The following HNF4A variants were observed in gnomAD, a reference collection of about 807,000 sequenced individuals.
HNF4A encodes hepatocyte nuclear factor 4 alpha.
HNF4A carries 15 observed loss-of-function variants against 52.4 expected under a neutral mutation model. That is an observed-to-expected ratio of 0.29 (90% CI 0.19 to 0.44). HNF4A has a LOEUF of 0.44. Ranked by LOEUF, HNF4A falls within the 20% of genes least tolerant of loss-of-function variation. The pLI is 1.00. For missense variants in HNF4A, 479 were observed against 647.2 expected, an observed-to-expected ratio of 0.74 and a Z score of 2.82; for synonymous variants, 280 against 264.4, an observed-to-expected ratio of 1.06 and a Z score of -0.57.
chr20:44,424,583 G>A (rs550374513), intron 8 of HNF4A: 60 of 1,382,420 alleles, frequency 4.3e-5, no homozygotes, highest in South Asian at 4.0e-4. Flanking sequence ...CCGTATGTGC[G>A]TGCATGTGTA....
At chr20:44,398,752 T>C (rs547904777), upstream of HNF4A, among the ~76,000 whole-genome samples, 1 of 152,358 alleles carries the variant, frequency 6.6e-6, no homozygotes, top group South Asian at 2.1e-4. Context: ...CTAGTAGCTC[T>C]TGGATATAAC....
intron 1 of HNF4A, among the ~76,000 whole-genome samples, chr20:44,404,776 T>TGTGTTTGTTGATGTGTGTGTGTGCGCAC (rs2063462984): frequency 0.038 from 2 of 52 alleles, 1 homozygote; most frequent in Non-Finnish European, 0.067. Flanking sequence ...TGTATATATG[T>TGTGTTTGTTGATGTGTGTGTGTGCGCAC]GTGTGTGTGC....
chr20:44,378,918 CA>C (rs61103959), intron 1 of HNF4A, among the ~76,000 whole-genome samples: 32,732 of 128,948 alleles, frequency 0.25, 4,436 homozygotes, highest in Admixed American at 0.44. Context: ...GACCCCGTCT[CA>C]AAAAAAAAAA....
intron 1 of HNF4A, among the ~76,000 whole-genome samples, chr20:44,362,581 G>A (rs1177681592): frequency 1.3e-5 from 2 of 151,426 alleles, no homozygotes; most frequent in Non-Finnish European, 3.0e-5. Context: ...CAAGATGTTG[G>A]CTATTTGATA....
In HNF4A at chr20:44,410,268, A is replaced by G. The variant is rs145052828; in HGVS notation, c.385+2793A>G. On this transcript the variant is annotated intron_variant, in intron 3 of 9. Coordinates refer to ENST00000316099, the MANE Select transcript of HNF4A (RefSeq NM_000457.6). Reference sequence around the variant, plus strand: ...CTTGCTTCCTGGCCCAGGGAAACGGACATGCTGCCCGGAGGATAGGAGAGT... The same window carrying G: ...CTTGCTTCCTGGCCCAGGGAAACGGGCATGCTGCCCGGAGGATAGGAGAGT... 1.4e-4 allele frequency among the ~76,000 whole-genome samples: 22 copies of G among 152,346 alleles called. No homozygotes were observed. In the East Asian group the frequency reaches 4.2e-3, roughly 29 times the overall value.
intron 1 of HNF4A, among the ~76,000 whole-genome samples, chr20:44,381,281 T>G (rs1465047664): frequency 5.7e-5 from 1 of 17,548 alleles, no homozygotes; most frequent in African/African-American, 3.4e-4. Flanking sequence ...AGTGAGAGCT[T>G]TTTTTTTTTT....
chr20:44,365,366 G>T (rs540875054), intron 1 of HNF4A, among the ~76,000 whole-genome samples: 1 of 152,016 alleles, frequency 6.6e-6, no homozygotes, highest in African/African-American at 2.4e-5. Flanking sequence ...GTAGTGACAG[G>T]TCTTGCTGTG....
chr20:44,398,938 G>C (rs1372049629), upstream of HNF4A, among the ~76,000 whole-genome samples: 2 of 152,260 alleles, frequency 1.3e-5, no homozygotes, highest in Non-Finnish European at 2.9e-5. Flanking sequence ...CAGAGTGGAA[G>C]AGGCCATGTA....
At chr20:44,391,463 A>G (rs3092370) in intron 1 of HNF4A, 75,406 of 152,338 alleles carry the variant, frequency 0.49, 19,050 homozygotes, top group Non-Finnish European at 0.53. Context: ...CCAGGCCTGC[A>G]TGGCAGAGAT....
chr20:44,421,764 CAT>C (rs760555250), intron 7 of HNF4A, among the ~76,000 whole-genome samples: 30 of 144,762 alleles, frequency 2.1e-4, no homozygotes, highest in Admixed American at 4.9e-4. Flanking sequence ...CAAAAAAATA[CAT>C]ATATGTGTAT....
rs937147831 is a variant in HNF4A, at chr20:44,431,222, T to C, written c.*1557T>C. The C allele has an allele frequency of 1.3e-5, 2 of 152,272 alleles. No individual in the cohort carries two copies. Among genetic ancestry groups the C allele is most frequent in the Non-Finnish European group, 2.9e-5 (2 of 68,058 alleles). The allele number at this position is 152,272 out of a possible 1,614,324, so 9.4% of individuals were successfully genotyped here. On this transcript the variant is annotated 3_prime_UTR_variant, in exon 10 of 10. Transcript: ENST00000316099. Reference sequence around the variant, plus strand: ...GCTTCTCCAAAGGCTCCCTGTGTTCTCACCGTGATCAAGTTGAGGGGCTTC... The same window carrying C: ...GCTTCTCCAAAGGCTCCCTGTGTTCCCACCGTGATCAAGTTGAGGGGCTTC...
intron 1 of HNF4A, among the ~76,000 whole-genome samples, chr20:44,388,477 G>A (rs1249451139): frequency 6.7e-6 from 1 of 150,108 alleles, no homozygotes; most frequent in Non-Finnish European, 1.5e-5. Context: ...AAAATCTTAC[G>A]TTCTGATTGC....
intron 1 of HNF4A, among the ~76,000 whole-genome samples, chr20:44,404,789 G>GA (rs1463905948): frequency 3.4e-5 from 2 of 59,058 alleles, no homozygotes; most frequent in African/African-American, 6.4e-5. Flanking sequence ...GTGTGTGCGT[G>GA]TGTCTGTGTG....
intron 1 of HNF4A, among the ~76,000 whole-genome samples, chr20:44,396,074 TTC>T (rs2063350334): frequency 6.6e-6 from 1 of 152,110 alleles, no homozygotes; most frequent in South Asian, 2.1e-4. Context: ...CCGAAGTCCT[TTC>T]AGGGATTCCA....
chr20:44,393,958 C>T (rs1461817185), intron 1 of HNF4A, among the ~76,000 whole-genome samples: 3 of 152,174 alleles, frequency 2.0e-5, no homozygotes, highest in East Asian at 3.9e-4. Context: ...CTCAAGTAAT[C>T]CTCCCATCTC....
intron 1 of HNF4A, among the ~76,000 whole-genome samples, chr20:44,363,964 A>C (rs904443636): frequency 6.6e-6 from 1 of 152,100 alleles, no homozygotes; most frequent in Non-Finnish European, 1.5e-5. Flanking sequence ...TGCTGGGATT[A>C]CAGGTGTAAG....
At chr20:44,374,906 A>G (rs1195003080) in intron 1 of HNF4A, among the ~76,000 whole-genome samples, 3 of 152,202 alleles carry the variant, frequency 2.0e-5, no homozygotes, top group Non-Finnish European at 4.4e-5. Flanking sequence ...GTTCTTTGAG[A>G]AATCTCCAAA....
chr20:44,404,629 ATG>A (rs998251506), intron 1 of HNF4A, among the ~76,000 whole-genome samples: 2 of 148,554 alleles, frequency 1.3e-5, no homozygotes, highest in African/African-American at 2.5e-5. Context: ...TGTGTGGACT[ATG>A]TGCAAGTGTG....
intron 1 of HNF4A, among the ~76,000 whole-genome samples, chr20:44,360,180 T>C (rs1480914639): frequency 6.6e-6 from 1 of 152,152 alleles, no homozygotes; most frequent in African/African-American, 2.4e-5. Context: ...GATGAATGAA[T>C]GGGAAGATGG....
Sources: allele counts gnomAD v4.1 joint callset (sites outside exome capture counted in the v4.1 genomes callset), GRCh38; gene constraint gnomAD v4.1.1; transcripts MANE v1.5; gene names NCBI Gene and HGNC (gene_info 2026-07-23, HGNC 2026-07-21).